Variants in SLC6A11 observed in about 807,000 individuals in gnomAD.
The protein encoded by SLC6A11 is sodium- and chloride-dependent GABA transporter 3.
A neutral mutation model predicts 74.8 loss-of-function variants in SLC6A11; 25 were observed. The ratio of observed to expected loss-of-function variants is 0.33; its 90% CI spans 0.24 to 0.47. SLC6A11 has a LOEUF of 0.47. Among genes scored for constraint, SLC6A11 ranks in the 20% least tolerant of loss-of-function variants. The pLI is 1.00. For missense variants in SLC6A11, 574 were observed against 837.0 expected, an observed-to-expected ratio of 0.69 and a Z score of 3.88; for synonymous variants, 330 against 330.2, an observed-to-expected ratio of 1.00 and a Z score of 0.01.
At chr3:10,845,713 C>G (rs1342004015) in intron 5 of SLC6A11, among the ~76,000 whole-genome samples, 7 of 152,336 alleles carry the variant, frequency 4.6e-5, no homozygotes, top group South Asian at 4.2e-4. Flanking sequence ...AACAGCCACA[C>G]AGATGCAGAG....
intron 6 of SLC6A11, among the ~76,000 whole-genome samples, chr3:10,879,590 G>A (rs539598050): frequency 7.3e-4 from 111 of 152,118 alleles, no homozygotes; most frequent in Non-Finnish European, 1.0e-3. Context: ...GGCCTTGAAG[G>A]TTAAGTTTGA....
chr3:10,907,805 C>T (rs1433817279), intron 6 of SLC6A11, among the ~76,000 whole-genome samples: 1 of 152,198 alleles, frequency 6.6e-6, no homozygotes, highest in Non-Finnish European at 1.5e-5. Flanking sequence ...CACGGATCAA[C>T]TATTCTAAAC....
At chr3:10,867,467 C>G (rs1694779424) in intron 5 of SLC6A11, among the ~76,000 whole-genome samples, 1 of 152,208 alleles carries the variant, frequency 6.6e-6, no homozygotes, top group East Asian at 1.9e-4. Flanking sequence ...TGAGATATTT[C>G]TGGCACCCAG....
intron 6 of SLC6A11, among the ~76,000 whole-genome samples, chr3:10,911,281 A>C (rs1400424796): frequency 6.6e-6 from 1 of 152,146 alleles, no homozygotes; most frequent in Non-Finnish European, 1.5e-5. Flanking sequence ...CATCAGCTGC[A>C]TTTTGATTTG....
intron 6 of SLC6A11, among the ~76,000 whole-genome samples, chr3:10,884,280 CATTG>C (rs1345244209): frequency 1.3e-5 from 2 of 152,136 alleles, no homozygotes; most frequent in Non-Finnish European, 2.9e-5. Context: ...TGCTGGTTAT[CATTG>C]ATTGATTGCT....
intron 5 of SLC6A11, among the ~76,000 whole-genome samples, chr3:10,873,514 GCCATGCCATC>G (rs1694860016): frequency 9.7e-6 from 1 of 103,596 alleles, no homozygotes; most frequent in Non-Finnish European, 1.9e-5. Flanking sequence ...CCTATCCTAT[GCCATGCCATC>G]CTATCCTGTC....
intron 5 of SLC6A11, among the ~76,000 whole-genome samples, chr3:10,868,559 A>G (rs545692680): frequency 2.2e-4 from 33 of 152,342 alleles, no homozygotes; most frequent in African/African-American, 7.7e-4. Context: ...ACTCTTAACC[A>G]AGGGGTGTGT....
At chr3:10,867,145 G>A (rs3821768) in intron 5 of SLC6A11, among the ~76,000 whole-genome samples, 15,702 of 152,214 alleles carry the variant, frequency 0.1, 1,030 homozygotes, top group Middle Eastern at 0.21. Flanking sequence ...GGGGAGAGGC[G>A]GGACTGCACA....
chr3:10,829,044 A>G (rs1401387004), intron 4 of SLC6A11, among the ~76,000 whole-genome samples: 1 of 152,210 alleles, frequency 6.6e-6, no homozygotes, highest in African/African-American at 2.4e-5. Context: ...ATTGGAAATG[A>G]TAACACCCAC....
At chr3:10,859,408 A>G (rs1354430234) in intron 5 of SLC6A11, among the ~76,000 whole-genome samples, 2 of 152,132 alleles carry the variant, frequency 1.3e-5, no homozygotes, top group Non-Finnish European at 2.9e-5. Context: ...GAGGGAGACC[A>G]TTCTTTGAGG....
chr3:10,918,467 A>G lies in SLC6A11; in HGVS notation c.1120+14A>G, dbSNP rs1379738811. ...TGGCAGAGTCAGGTAAGTTCGCCAA[A>G]GGTGGGGATGGAAAAGGCGGCAAGG... is the stretch of plus-strand genomic sequence containing the variant. On this transcript the variant is annotated intron_variant, in intron 8 of 13. Transcript: ENST00000254488. This position sits in a 1 kb window ranked among gnomAD's most constrained non-coding sequence, Gnocchi z 4.5. The G allele has an allele frequency of 6.2e-7, 1 of 1,601,364 alleles. No homozygotes were observed. The highest frequency in any genetic ancestry group is 8.5e-7 in the Non-Finnish European group (1 of 1,175,212).
At chr3:10,854,985 A>ATGGATGGGTGGGTGAGTAGATGGATGGG (rs1694621033) in intron 5 of SLC6A11, among the ~76,000 whole-genome samples, 3 of 151,604 alleles carry the variant, frequency 2.0e-5, no homozygotes, top group Non-Finnish European at 4.4e-5. Flanking sequence ...GGGTAAGTCG[A>ATGGATGGGTGGGTGAGTAGATGGATGGG]TGGATGGGTG....
At chr3:10,831,354 ATAGT>A (rs33980604) in intron 4 of SLC6A11, among the ~76,000 whole-genome samples, 35,095 of 152,008 alleles carry the variant, frequency 0.23, 5,605 homozygotes, top group African/African-American at 0.46. Context: ...ACTGCATGTG[ATAGT>A]TAGAAAGGAC....
rs1008440322 is a variant in SLC6A11, at chr3:10,926,260, A to C, written c.1233+144A>C. The C allele has an allele frequency of 1.7e-4, 92 of 553,310 alleles. No individual in the cohort carries two copies. Among genetic ancestry groups the C allele is most frequent in the African/African-American group, 6.6e-4 (27 of 40,924 alleles). 34.3% of individuals were successfully genotyped at this position (553,310 alleles called of 1,614,324 possible). A position where few individuals can be genotyped will look rare whatever the true frequency, so the allele number is the denominator to read the frequency against. ...GGCCCTGCCCACCGTCCCCCATTCC[A>C]CCCTCCACTTCCCTCCCAGCAACTC... On this transcript the variant is annotated intron_variant, in intron 9 of 13. Transcript: ENST00000254488. The surrounding 1 kb of genome is among the most constrained non-coding windows in gnomAD (Gnocchi z 5.7).
chr3:10,834,282 G>A (rs1035665086), intron 4 of SLC6A11, among the ~76,000 whole-genome samples: 4 of 152,104 alleles, frequency 2.6e-5, no homozygotes, highest in Admixed American at 6.5e-5. Flanking sequence ...GTGCAGAGTC[G>A]GACTGCTGTG....
chr3:10,909,422 G>T (rs911747038), intron 6 of SLC6A11, among the ~76,000 whole-genome samples: 4 of 152,200 alleles, frequency 2.6e-5, no homozygotes, highest in African/African-American at 9.6e-5. Flanking sequence ...GGACGTATCT[G>T]GGGCTTGTGG....
chr3:10,885,466 C>T (rs59330020), intron 6 of SLC6A11, among the ~76,000 whole-genome samples: 3 of 152,100 alleles, frequency 2.0e-5, no homozygotes, highest in African/African-American at 7.2e-5. Flanking sequence ...GAAGCTTTAC[C>T]TCCCAGGAGA....
intron 7 of SLC6A11, among the ~76,000 whole-genome samples, chr3:10,916,790 C>G (rs143096452): frequency 3.9e-5 from 6 of 152,246 alleles, no homozygotes; most frequent in African/African-American, 1.4e-4. Context: ...TCAAGAAATT[C>G]TGTTATCCAA....
intron 5 of SLC6A11, among the ~76,000 whole-genome samples, chr3:10,854,125 C>T (rs1225121226): frequency 2.0e-5 from 3 of 152,222 alleles, no homozygotes; most frequent in African/African-American, 7.2e-5. Context: ...GTCTTGCTCA[C>T]GTCTGTAATC....
Sources: allele counts gnomAD v4.1 joint callset (sites outside exome capture counted in the v4.1 genomes callset), GRCh38; gene constraint gnomAD v4.1.1; non-coding constraint Gnocchi (gnomAD v3.1); transcripts MANE v1.5; gene names NCBI Gene and HGNC (gene_info 2026-07-23, HGNC 2026-07-21).